The following ZNF81 variants were observed in gnomAD, a reference collection of about 807,000 sequenced individuals.
The protein encoded by ZNF81 is zinc finger protein 81 (HFZ20).
A neutral mutation model predicts 32.3 loss-of-function variants in ZNF81; 5 were observed. The ratio of observed to expected loss-of-function variants is 0.15; its 90% CI spans 0.08 to 0.33. ZNF81 has a LOEUF of 0.33. Among genes scored for constraint, ZNF81 ranks in the 10% least tolerant of loss-of-function variants. The pLI is 1.00. For missense variants in ZNF81, 379 were observed against 479.8 expected, an observed-to-expected ratio of 0.79 and a Z score of 1.96; for synonymous variants, 163 against 166.8, an observed-to-expected ratio of 0.98 and a Z score of 0.17.
Position 47,916,196 on chromosome X carries a change from A to G in ZNF81, c.1550A>G (p.Gln517Arg), listed in dbSNP as rs1556890805. Residue 517 changes from glutamine to arginine, a missense_variant, in exon 5 of 5, where the codon CAG becomes CGG. Around this residue, in one of 2 missense-constraint regions of ZNF81, gnomAD observed 102 missense variants for 173.2 expected, o/e 0.59. Transcript: ENST00000338637. Reference protein sequence around the residue: ...FTNRSNLNTHQKSHTGEKSYI... With the variant: ...FTNRSNLNTHRKSHTGEKSYI... ...AACAGGTCAAATCTCAATACTCACC[A>G]GAAGTCTCATACTGGAGAAAAGTCT... The G allele has an allele frequency of 8.3e-7, 1 of 1,209,926 alleles. No individual in the cohort carries two copies. The highest frequency in any genetic ancestry group is 1.7e-5 in the African/African-American group (1 of 57,178).
At chrX:47,909,272 A>G (rs1346243896) in intron 4 of ZNF81, among the ~76,000 whole-genome samples, 1 of 111,975 alleles carries the variant, frequency 8.9e-6, no homozygotes, top group African/African-American at 3.2e-5. Context: ...CTTGTGGCCA[A>G]TATAATGGAT....
At chrX:47,902,011 T>C (rs1008837929) in intron 4 of ZNF81, among the ~76,000 whole-genome samples, 21 of 112,123 alleles carry the variant, frequency 1.9e-4, no homozygotes, top group African/African-American at 6.2e-4. Context: ...AAGTTTTCTT[T>C]GTGGGACTGT....
intron 2 of ZNF81, among the ~76,000 whole-genome samples, chrX:47,882,988 TCAAAAACAAAAA>T (rs782091148): frequency 8.9e-6 from 1 of 112,578 alleles, no homozygotes; most frequent in African/African-American, 3.2e-5. Context: ...AGACTCTGTC[TCAAAAACAAAAA>T]CAAAAACAAA....
intron 4 of ZNF81, among the ~76,000 whole-genome samples, chrX:47,901,348 C>T (rs930986325): frequency 9.9e-5 from 11 of 111,600 alleles, no homozygotes; most frequent in African/African-American, 3.6e-4. Flanking sequence ...TCTGTCATTT[C>T]CTTTTTGGTC....
intron 2 of ZNF81, among the ~76,000 whole-genome samples, chrX:47,861,271 G>T (rs138109555): frequency 1.8e-5 from 2 of 111,831 alleles, no homozygotes; most frequent in Non-Finnish European, 3.8e-5. Context: ...ACCTGTTAGA[G>T]TCTGCAAAGA....
Position 47,915,540 on chromosome X carries a change from G to A in ZNF81, c.894G>A (p.Val298=), listed in dbSNP as rs1556890592. ...TTGCTCCTCAAAAAATTCATACTGT[G>A]GAAAAACCTCATGAGCTTAGCAAAT... The part of the protein sequence containing the change: ...HFFAPQKIHT[V]EKPHELSKCV... The change falls in exon 5 of 5, where the codon GTG becomes GTA. Residue 298 remains valine, a synonymous_variant. Transcript: ENST00000338637. The A allele has an allele frequency of 8.3e-7, 1 of 1,211,285 alleles. No individual in the cohort carries two copies. Among genetic ancestry groups the A allele is most frequent in the South Asian group, 1.8e-5 (1 of 56,975 alleles).
rs782460656 is a variant in ZNF81 at position 47,915,302 on chromosome X, A to G, written c.656A>G (p.Lys219Arg). 84 of 1,210,014 alleles carry G rather than the reference A, an allele frequency of 6.9e-5. No individual in the cohort carries two copies. In the South Asian group the frequency reaches 1.4e-3, roughly 20 times the overall value. The change falls in exon 5 of 5, where the codon AAA (lysine) becomes AGA (arginine). Residue 219 changes from lysine (K) to arginine (R), a missense_variant. Lys to Arg is a conservative substitution (Grantham distance 26, BLOSUM62 2). This residue lies in a region of ZNF81 where 277 missense variants were observed against 306.6 expected (regional missense o/e 0.90). Coordinates refer to ENST00000338637, the MANE Select transcript of ZNF81 (RefSeq NM_007137.5). ...NKSNAAKNLD[K>R]TIGHGQVFTQ... ...AGCAATGCAGCAAAGAACCTGGATA[A>G]AACTATTGGGCATGGTCAAGTTTTT...
chrX:47,852,234 G>T (rs1201147816), intron 2 of ZNF81, among the ~76,000 whole-genome samples: 2 of 112,505 alleles, frequency 1.8e-5, no homozygotes, highest in Non-Finnish European at 3.7e-5. Context: ...TTTTGCTGAT[G>T]AAAGGTCTTG....
At chrX:47,899,505 T>C (rs2058691194) in intron 4 of ZNF81, among the ~76,000 whole-genome samples, 1 of 110,957 alleles carries the variant, frequency 9.0e-6, no homozygotes, top group Admixed American at 9.6e-5. Flanking sequence ...TACTTACTGA[T>C]ATTTGACTTA....
rs1006378433 is a variant in ZNF81, at chrX:47,836,923, C to G, written c.-228C>G. On this transcript the variant is annotated 5_prime_UTR_variant, in exon 1 of 5. Transcript: ENST00000338637. The stretch of plus-strand genomic sequence containing the variant: ...GACCGGAAGCGGCTGCGGTTCTCGC[C>G]GGTTCTCAGCCGGGGTTTGATAGTT... The G allele has an allele frequency of 3.5e-5, 8 of 228,976 alleles. No homozygotes were observed. Among genetic ancestry groups the G allele is most frequent in the Non-Finnish European group, 4.2e-5 (5 of 119,328 alleles). The allele number at this position is 228,976 out of a possible 1,213,427, so 18.9% of individuals were successfully genotyped here.
In ZNF81 at chrX:47,915,395, A is replaced by G. The variant is rs1418568157; in HGVS notation, c.749A>G (p.Gln250Arg). 2 of 1,210,069 alleles carry G rather than the reference A, an allele frequency of 1.7e-6. No individual in the cohort carries two copies. Among genetic ancestry groups the G allele is most frequent in the Non-Finnish European group, 2.2e-6 (2 of 895,259 alleles). Reference sequence around the variant, plus strand: ...GGAGTGAAGTTCTGTGAACGTAATCAATGTGGAAAAGTCCTCAGCCTCAAA... The same window carrying G: ...GGAGTGAAGTTCTGTGAACGTAATCGATGTGGAAAAGTCCTCAGCCTCAAA... ...HTGVKFCERN[Q>R]CGKVLSLKHS... The change falls in exon 5 of 5, where the codon CAA (glutamine) becomes CGA (arginine). Residue 250 changes from glutamine (Q) to arginine (R), a missense_variant. By Grantham distance (43) the Gln-to-Arg change is conservative (BLOSUM62 1). This residue lies in a region of ZNF81 where 277 missense variants were observed against 306.6 expected (regional missense o/e 0.90). Coordinates refer to ENST00000338637, the MANE Select transcript of ZNF81 (RefSeq NM_007137.5).
intron 4 of ZNF81, 63 bp downstream of exon 4, chrX:47,896,003 C>T (rs1206399264): frequency 1.2e-6 from 1 of 844,814 alleles, no homozygotes; most frequent in Non-Finnish European, 1.7e-6. Context: ...CTAAGGAAGA[C>T]CGATGCCTTT....
chrX:47,912,342 AAG>A (rs1556890038), intron 4 of ZNF81, among the ~76,000 whole-genome samples: 1 of 106,944 alleles, frequency 9.4e-6, no homozygotes, highest in Admixed American at 1.0e-4. Context: ...AACCGACTAA[AAG>A]GGGATAAGTG....
At chrX:47,903,444 T>G (rs1168905126) in intron 4 of ZNF81, among the ~76,000 whole-genome samples, 1 of 90,673 alleles carries the variant, frequency 1.1e-5, no homozygotes, top group African/African-American at 4.0e-5. Context: ...AAATCATGAG[T>G]GAACTCCCAT....
At position 47,920,460 on chromosome X, in the gene ZNF81, G is replaced by A. The variant is rs1037977506; in HGVS notation, c.*3828G>A. The A allele has an allele frequency of 1.8e-5, 2 of 110,505 alleles. No individual in the cohort carries two copies. Among genetic ancestry groups the A allele is most frequent in the African/African-American group, 6.6e-5 (2 of 30,356 alleles). The allele number at this position is 110,505 out of a possible 1,213,427, so 9.1% of individuals were successfully genotyped here. Reference sequence around the variant, plus strand: ...TTTAGTGATCCTGCCCTCTTCCACTGGTAGAAGGCCTTTAATGATCTGGGC... The same window carrying A: ...TTTAGTGATCCTGCCCTCTTCCACTAGTAGAAGGCCTTTAATGATCTGGGC... On this transcript the variant is annotated 3_prime_UTR_variant, in exon 5 of 5. Coordinates refer to ENST00000338637, the MANE Select transcript of ZNF81 (RefSeq NM_007137.5).
intron 4 of ZNF81, among the ~76,000 whole-genome samples, chrX:47,911,637 G>A (rs143004459): frequency 0.011 from 1,249 of 111,524 alleles, 19 homozygotes; most frequent in African/African-American, 0.039. Context: ...GGAATTCAAC[G>A]AAGATTGTTA....
rs1234737300 is a variant in ZNF81 at position 47,915,021 on chromosome X, A to G, written c.375A>G (p.Leu125=). Residue 125 remains leucine, a synonymous_variant, in exon 5 of 5, where the codon TTA becomes TTG. Coordinates refer to ENST00000338637, the MANE Select transcript of ZNF81 (RefSeq NM_007137.5). ...GTGAAGACACAAGAGATGATTCATT[A>G]TACTCTATTTTAGAAGAATTGTGGC... is the stretch of plus-strand genomic sequence containing the variant. ...MEGEDTRDDS[L]YSILEELWQD... 2.5e-6 allele frequency: 3 copies of G among 1,205,546 alleles called. No individual in the cohort carries two copies. The African/African-American group carries it at 5.3e-5, about 21-fold the overall frequency.
chrX:47,905,409 T>TAAAAAAAAAA (rs782351301), intron 4 of ZNF81, among the ~76,000 whole-genome samples: 1 of 29,472 alleles, frequency 3.4e-5, no homozygotes. Flanking sequence ...AGACTCCATC[T>TAAAAAAAAAA]AAAAAAAAAA....
chrX:47,903,196 G>C (rs2058705126), intron 4 of ZNF81, among the ~76,000 whole-genome samples: 1 of 108,881 alleles, frequency 9.2e-6, no homozygotes, highest in African/African-American at 3.4e-5. Context: ...CATAGTGTTG[G>C]AAGTTCTGGC....
Sources: gnomAD v4.1 joint callset for allele counts (sites outside exome capture counted in the v4.1 genomes callset) on GRCh38, gnomAD v4.1.1 for gene constraint, gnomAD v4.1.1 regional missense constraint, MANE v1.5 for transcripts, NCBI Gene and HGNC (gene_info 2026-07-23, HGNC 2026-07-21) for gene names.